NEBL: variants seen among roughly 807,000 people sequenced by gnomAD.
NEBL encodes nebulette, also known as LIM and SH3 protein 2.
NEBL carries 122 observed loss-of-function variants against 140.2 expected under a neutral mutation model. That is an observed-to-expected ratio of 0.87 (90% CI 0.75 to 1.01). The LOEUF is 1.01. NEBL is among the 50% of genes least tolerant of loss of function. The probability of loss-of-function intolerance (pLI) is 0.00; values close to 1 mark genes in which losing one functional copy is unlikely to be tolerated. For missense variants in NEBL, 1,365 were observed against 1,231.3 expected (o/e 1.11, Z -1.62); for synonymous variants, 436 against 398.9 (o/e 1.09, Z -1.11).
At chr10:20,938,767 T>C (rs1214672038) in intron 4 of NEBL, among the ~76,000 whole-genome samples, 2 of 151,948 alleles carry the variant, frequency 1.3e-5, no homozygotes, top group African/African-American at 4.8e-5. Context: ...CTGAAAACCA[T>C]CGCACAACAA....
chr10:21,169,925 A>G (rs1367238284), intron 2 of NEBL, among the ~76,000 whole-genome samples: 1 of 152,210 alleles, frequency 6.6e-6, no homozygotes, highest in Non-Finnish European at 1.5e-5. Context: ...ATGAAACAAA[A>G]CAACGGGATG....
intron 1 of NEBL, among the ~76,000 whole-genome samples, chr10:21,252,671 G>A (rs565600589): frequency 6.6e-6 from 1 of 152,256 alleles, no homozygotes; most frequent in Non-Finnish European, 1.5e-5. Context: ...ATGAGGCAGA[G>A]GAGGCTGGGC....
In NEBL at chr10:20,798,156, G is replaced by C. The variant is rs1425993763; in HGVS notation, c.2761+10354C>G. Among the ~76,000 whole-genome samples the C allele has an allele frequency of 3.9e-5, 6 of 151,992 alleles. No individual in the cohort carries two copies. The East Asian group carries it at 9.6e-4, about 24-fold the overall frequency. On this transcript the variant is annotated intron_variant, in intron 26 of 27. Coordinates refer to ENST00000377122, the MANE Select transcript of NEBL (RefSeq NM_006393.3). ...GCATGGGCATATCAGAAATACTAGGGGGAAAGATCAGGCAGTAATAAGTAG... is the reference window on the plus strand; with the variant it reads ...GCATGGGCATATCAGAAATACTAGGCGGAAAGATCAGGCAGTAATAAGTAG...
intron 7 of NEBL, among the ~76,000 whole-genome samples, chr10:20,860,249 G>A (rs1288910507): frequency 6.6e-6 from 1 of 151,964 alleles, no homozygotes; most frequent in Non-Finnish European, 1.5e-5. Context: ...AGAGCATGAC[G>A]TGTACCACAG....
intron 3 of NEBL, among the ~76,000 whole-genome samples, chr10:20,981,601 G>GGA (rs375529925): frequency 2.6e-5 from 4 of 151,966 alleles, no homozygotes; most frequent in Admixed American, 6.6e-5. Flanking sequence ...ACATGACTTG[G>GGA]GACTGGCTAA....
intron 19 of NEBL, among the ~76,000 whole-genome samples, chr10:20,820,793 C>G (rs1839231880): frequency 6.6e-6 from 1 of 151,838 alleles, no homozygotes; most frequent in Non-Finnish European, 1.5e-5. Flanking sequence ...CCACTGCACT[C>G]CAGCCTGGGT....
At chr10:20,974,822 T>G (rs563106805) in intron 3 of NEBL, among the ~76,000 whole-genome samples, 1 of 152,186 alleles carries the variant, frequency 6.6e-6, no homozygotes, top group Non-Finnish European at 1.5e-5. Flanking sequence ...TTTGCTAGTC[T>G]GACTTTTAAA....
chr10:21,179,234 T>A (rs1038122009), upstream of NEBL, among the ~76,000 whole-genome samples: 3 of 152,204 alleles, frequency 2.0e-5, no homozygotes, highest in Non-Finnish European at 4.4e-5. Context: ...TCATCGTTAT[T>A]TGGGGCCTAT....
intron 2 of NEBL, chr10:21,172,192 C>T: frequency 1.6e-6 from 1 of 618,068 alleles, no homozygotes; most frequent in Non-Finnish European, 2.9e-6. Context: ...CGTTACCCAA[C>T]ACATTAGAAA....
chr10:21,089,363 G>T (rs1836799354), intron 2 of NEBL, among the ~76,000 whole-genome samples: 1 of 152,114 alleles, frequency 6.6e-6, no homozygotes, highest in African/African-American at 2.4e-5. Flanking sequence ...TCAGCTTAGA[G>T]CTAGCCATGG....
chr10:21,059,784 A>T (rs1835194206), intron 2 of NEBL, among the ~76,000 whole-genome samples: 1 of 152,226 alleles, frequency 6.6e-6, no homozygotes, highest in Admixed American at 6.5e-5. Flanking sequence ...CCATTTTGTT[A>T]ACTGTGAGTT....
intron 2 of NEBL, among the ~76,000 whole-genome samples, chr10:21,143,669 A>C (rs1346575791): frequency 6.6e-6 from 1 of 152,214 alleles, no homozygotes; most frequent in African/African-American, 2.4e-5. Context: ...TTCAATCTGG[A>C]ATAACTGAGT....
intron 4 of NEBL, among the ~76,000 whole-genome samples, chr10:20,956,170 A>G (rs1835793534): frequency 6.6e-6 from 1 of 152,228 alleles, no homozygotes; most frequent in Non-Finnish European, 1.5e-5. Context: ...CAGATTTGGA[A>G]ACAAGAAAGG....
chr10:20,916,151 G>A (rs1564441470), intron 4 of NEBL, among the ~76,000 whole-genome samples: 1 of 152,132 alleles, frequency 6.6e-6, no homozygotes. Flanking sequence ...GATGTTTGAT[G>A]AGTGCAGACT....
intron 4 of NEBL, among the ~76,000 whole-genome samples, chr10:20,911,562 A>G (rs1041619397): frequency 6.6e-6 from 1 of 152,244 alleles, no homozygotes; most frequent in African/African-American, 2.4e-5. Flanking sequence ...ATAAAACCAT[A>G]GTCTTCAAAC....
intron 5 of NEBL, among the ~76,000 whole-genome samples, chr10:20,880,537 T>C (rs1005697703): frequency 6.6e-6 from 1 of 152,112 alleles, no homozygotes; most frequent in Non-Finnish European, 1.5e-5. Context: ...GATAACCCAA[T>C]AGGTCTGAAG....
rs1274147206 is a variant in NEBL, at chr10:20,782,246, G to C, written c.*3501C>G. The C allele has an allele frequency of 1.4e-4, 21 of 152,470 alleles. No individual in the cohort carries two copies. Among genetic ancestry groups the C allele is most frequent in the Non-Finnish European group, 1.5e-5 (1 of 68,014 alleles). 9.4% of individuals were successfully genotyped at this position (152,470 alleles called of 1,614,324 possible). A position where few individuals can be genotyped will look rare whatever the true frequency, so the allele number is the denominator to read the frequency against. Reference sequence around the variant, plus strand: ...AGAATAGGCAGCAACTTGCTTGCTTGGTTTTCTTTCCAAGAGCATACTAGA... The same window carrying C: ...AGAATAGGCAGCAACTTGCTTGCTTCGTTTTCTTTCCAAGAGCATACTAGA... On this transcript the variant is annotated 3_prime_UTR_variant, in exon 28 of 28. Coordinates refer to ENST00000377122, the MANE Select transcript of NEBL (RefSeq NM_006393.3).
At chr10:20,899,394 G>A (rs2131423301), upstream of NEBL, 1 of 1,303,630 alleles carries the variant, frequency 7.7e-7, no homozygotes, top group African/African-American at 1.5e-5. Context: ...CAGGCTTGCA[G>A]TGCAGTTATT....
chr10:21,034,741 T>C (rs1244706777), intron 2 of NEBL, among the ~76,000 whole-genome samples: 1 of 152,188 alleles, frequency 6.6e-6, no homozygotes, highest in Non-Finnish European at 1.5e-5. Flanking sequence ...TTCATTTAAA[T>C]ATGGTTTTTC....
Sources: gnomAD v4.1 joint callset for allele counts (sites outside exome capture counted in the v4.1 genomes callset) on GRCh38, gnomAD v4.1.1 for gene constraint, MANE v1.5 for transcripts, NCBI Gene and HGNC (gene_info 2026-07-23, HGNC 2026-07-21) for gene names.